The following RSPH14 variants were observed in gnomAD, a reference collection of about 807,000 sequenced individuals.
RSPH14 encodes radial spoke head 14 homolog.
In RSPH14, 20 loss-of-function variants were observed where a neutral mutation model predicts 26.7. That is an observed-to-expected ratio of 0.75 (90% CI 0.53 to 1.09). The LOEUF is 1.09. Among genes scored for constraint, RSPH14 ranks in the 50% least tolerant of loss-of-function variants. The pLI is 0.00. For synonymous variants in RSPH14, 177 were observed against 189.3 expected (o/e 0.93, Z 0.53); for missense variants, 449 against 457.2 (o/e 0.98, Z 0.16).
At chr22:23,180,582 C>T in the RSPH14 span, 1 of 36,650 alleles carries the variant, frequency 2.7e-5, no homozygotes, top group Non-Finnish European at 3.6e-5. Flanking sequence ...GCGGCGGCGG[C>T]GGCGGCGGCA....
chr22:23,070,210 G>A (rs952571921), intron 4 of RSPH14, among the ~76,000 whole-genome samples: 15 of 151,464 alleles, frequency 9.9e-5, no homozygotes, highest in Admixed American at 5.9e-4. Flanking sequence ...GCCGGCGCTC[G>A]TGGCGGGGCG....
intron 4 of RSPH14, chr22:23,096,463 G>A: frequency 1.3e-6 from 2 of 1,557,040 alleles, no homozygotes; most frequent in Non-Finnish European, 8.7e-7. Context: ...CTGCTGTCGT[G>A]GGTTCCTGGA....
chr22:23,097,925 C>T (rs1432245526), intron 4 of RSPH14, among the ~76,000 whole-genome samples: 1 of 152,266 alleles, frequency 6.6e-6, no homozygotes. Context: ...AGGCCTGGCT[C>T]CCAGTTGCAT....
chr22:23,074,920 T>C (rs2068474151), intron 4 of RSPH14, among the ~76,000 whole-genome samples: 1 of 152,102 alleles, frequency 6.6e-6, no homozygotes, highest in Non-Finnish European at 1.5e-5. Flanking sequence ...TGTAATCCTA[T>C]ACTATGGGAG....
chr22:23,078,167 C>T (rs1419363886), intron 4 of RSPH14, among the ~76,000 whole-genome samples: 1 of 152,256 alleles, frequency 6.6e-6, no homozygotes. Context: ...CCCTCACCCG[C>T]TCAGTTACCT....
chr22:23,178,220 G>A, the RSPH14 span, among the ~76,000 whole-genome samples: 1 of 152,142 alleles, frequency 6.6e-6, no homozygotes, highest in Non-Finnish European at 1.5e-5. Context: ...TTCAAGACCA[G>A]CCTGGCCAAC....
At chr22:23,138,579 AAGAG>A (rs995339730) in intron 3 of RSPH14, among the ~76,000 whole-genome samples, 3 of 150,842 alleles carry the variant, frequency 2.0e-5, no homozygotes, top group African/African-American at 7.3e-5. Context: ...AAAGAAAAGA[AAGAG>A]AGAGAGAGAG....
chr22:23,174,716 C>G, the RSPH14 span, among the ~76,000 whole-genome samples: 1 of 150,500 alleles, frequency 6.6e-6, no homozygotes, highest in African/African-American at 2.4e-5. Flanking sequence ...CGCCTGTAAT[C>G]CCAGTACTTT....
intron 4 of RSPH14, among the ~76,000 whole-genome samples, chr22:23,105,196 T>A (rs2069428462): frequency 6.6e-6 from 1 of 152,176 alleles, no homozygotes. Flanking sequence ...TGGCCTGTGG[T>A]GACCAGGGGA....
the RSPH14 span, among the ~76,000 whole-genome samples, chr22:23,171,336 A>C: frequency 0.83 from 126,688 of 152,086 alleles, 53,355 homozygotes; most frequent in East Asian, 1. Flanking sequence ...TGACCCAGGA[A>C]GTCATCATAC....
At chr22:23,119,729 C>T (rs2069957229) in intron 4 of RSPH14, among the ~76,000 whole-genome samples, 1 of 152,224 alleles carries the variant, frequency 6.6e-6, no homozygotes. Flanking sequence ...GCTTCCCACG[C>T]TCTGAAGCTT....
At chr22:23,113,307 C>A (rs930846272) in intron 4 of RSPH14, among the ~76,000 whole-genome samples, 3 of 152,224 alleles carry the variant, frequency 2.0e-5, no homozygotes, top group African/African-American at 7.2e-5. Flanking sequence ...TACCCCGGCT[C>A]CCACCCCAGC....
At chr22:23,093,827 G>A (rs369474357) in intron 4 of RSPH14, among the ~76,000 whole-genome samples, 4 of 152,138 alleles carry the variant, frequency 2.6e-5, no homozygotes, top group African/African-American at 7.2e-5. Context: ...AGGCTGGCAG[G>A]GCTAGGGAGC....
chr22:23,079,524 C>G (rs533180101), intron 4 of RSPH14, among the ~76,000 whole-genome samples: 13 of 152,290 alleles, frequency 8.5e-5, no homozygotes, highest in African/African-American at 2.9e-4. Flanking sequence ...GGTGCCCTGG[C>G]TGGACTTTGA....
At chr22:23,165,249 C>G in the RSPH14 span, among the ~76,000 whole-genome samples, 7 of 152,222 alleles carry the variant, frequency 4.6e-5, no homozygotes, top group Non-Finnish European at 8.8e-5. Flanking sequence ...ATGTTCCCAG[C>G]AGACAGATTG....
intron 4 of RSPH14, among the ~76,000 whole-genome samples, chr22:23,081,276 A>C (rs964750737): frequency 6.6e-6 from 1 of 152,190 alleles, no homozygotes; most frequent in South Asian, 2.1e-4. Flanking sequence ...GCTGTGGTTT[A>C]AGCAAGAAGT....
chr22:23,150,543 A>C, the RSPH14 span, among the ~76,000 whole-genome samples: 1 of 151,822 alleles, frequency 6.6e-6, no homozygotes, highest in Non-Finnish European at 1.5e-5. Context: ...CCTCGTGATC[A>C]GCCTGCCTCG....
intron 4 of RSPH14, among the ~76,000 whole-genome samples, chr22:23,083,504 T>C (rs1184804256): frequency 1.3e-5 from 2 of 152,160 alleles, no homozygotes; most frequent in Non-Finnish European, 2.9e-5. Context: ...CCTCCATCTA[T>C]CCATCCATCT....
intron 4 of RSPH14, among the ~76,000 whole-genome samples, chr22:23,075,868 A>G (rs1216366465): frequency 6.6e-6 from 1 of 152,038 alleles, no homozygotes; most frequent in Non-Finnish European, 1.5e-5. Flanking sequence ...TGAGTCACGG[A>G]GGCCAAGGTC....
Sources: allele counts gnomAD v4.1 joint callset (sites outside exome capture counted in the v4.1 genomes callset), GRCh38; gene constraint gnomAD v4.1.1; transcripts MANE v1.5; gene names NCBI Gene and HGNC (gene_info 2026-07-23, HGNC 2026-07-21).